TMPRSS2: variants seen among roughly 807,000 people sequenced by gnomAD.
TMPRSS2 encodes transmembrane serine protease 2.
TMPRSS2 carries 59 observed loss-of-function variants against 67.4 expected under a neutral mutation model. The observed-to-expected ratio is 0.88, with a 90% CI of 0.71 to 1.09. The LOEUF is 1.09. Among genes scored for constraint, TMPRSS2 ranks in the 50% least tolerant of loss-of-function variants. The pLI is 0.00. For missense variants in TMPRSS2, 668 were observed against 642.7 expected (o/e 1.04, Z -0.43); for synonymous variants, 257 against 257.0 (o/e 1.00, Z 0.00).
chr21:41,494,628 A>G, intron 2 of TMPRSS2, 50 bp from the exon 3 acceptor site: 1 of 1,516,306 alleles, frequency 6.6e-7, no homozygotes, highest in African/African-American at 1.4e-5. Flanking sequence ...ATTTGCACTA[A>G]AGGGTTACAT....
At chr21:41,489,380 C>T (rs2091319672) in intron 4 of TMPRSS2, 127 bp downstream of exon 4, 2 of 657,050 alleles carry the variant, frequency 3.0e-6, no homozygotes, top group South Asian at 3.9e-5. Context: ...GAGAGACAGC[C>T]TCGTTATGTA....
intron 9 of TMPRSS2, among the ~76,000 whole-genome samples, chr21:41,472,884 C>A (rs2091146652): frequency 6.6e-6 from 1 of 152,186 alleles, no homozygotes; most frequent in Non-Finnish European, 1.5e-5. Context: ...CCCTACCTAA[C>A]CCTCTGCATG....
intron 4 of TMPRSS2, 97 bp from the exon 5 acceptor site, chr21:41,488,610 A>T: frequency 7.5e-7 from 1 of 1,334,312 alleles, no homozygotes; most frequent in Non-Finnish European, 1.0e-6. Flanking sequence ...AGCTCGCTGC[A>T]GCCTCCAACT....
At chr21:41,476,292 C>T (rs62217527) in intron 8 of TMPRSS2, among the ~76,000 whole-genome samples, 12,640 of 152,228 alleles carry the variant, frequency 0.083, 662 homozygotes, top group Non-Finnish European at 0.11. Context: ...AGAGACCTGC[C>T]GGGCCTCCAG....
chr21:41,485,341 TAGG>T (rs1431894324), intron 5 of TMPRSS2, among the ~76,000 whole-genome samples: 1 of 151,968 alleles, frequency 6.6e-6, no homozygotes, highest in Non-Finnish European at 1.5e-5. Context: ...CATGTGCACA[TAGG>T]AGAACATCAA....
In TMPRSS2 at chr21:41,494,405, G is replaced by A. The variant is rs61735792; in HGVS notation, c.189C>T (p.Pro63=). 20,818 of 1,610,884 alleles carry A rather than the reference G, an allele frequency of 0.013. 158 individuals are homozygous for A. Among genetic ancestry groups the A allele is most frequent in the Non-Finnish European group, 0.015 (17,542 of 1,179,202 alleles). ...APRVLTQASN[P]VVCTQPKSPS... The stretch of plus-strand genomic sequence containing the variant: ...GGGATTTGGGCTGCGTGCAGACGAC[G>A]GGGTTGGAAGCCTGCGTCAGGACCC... The change falls in exon 3 of 14, where the codon CCC becomes CCT. Residue 63 remains proline (P), a synonymous_variant. Coordinates refer to ENST00000332149, the MANE Select transcript of TMPRSS2 (RefSeq NM_005656.4).
chr21:41,485,048 C>A (rs149551068), intron 5 of TMPRSS2, among the ~76,000 whole-genome samples: 111 of 149,356 alleles, frequency 7.4e-4, no homozygotes, highest in African/African-American at 2.6e-3. Flanking sequence ...ATGTGATTGG[C>A]TGGTAAACAG....
rs377496737 is a variant in TMPRSS2, at chr21:41,473,562, C to T, written c.728-66G>A. The T allele has an allele frequency of 8.2e-5, 123 of 1,508,956 alleles. 1 individual carries two copies. The Middle Eastern group carries it at 1.2e-3, about 15-fold the overall frequency. 93.5% of individuals were successfully genotyped at this position (1,508,956 alleles called of 1,614,324 possible). On this transcript the variant is annotated intron_variant, in intron 8 of 13. Transcript: ENST00000332149. ...AGAAGCCGCCCAGCCACCCAGCGCCCGCCCCTCCCAAGGGTCTCCCAGGCT... is the reference window on the plus strand; with the variant it reads ...AGAAGCCGCCCAGCCACCCAGCGCCTGCCCCTCCCAAGGGTCTCCCAGGCT...
intron 5 of TMPRSS2, among the ~76,000 whole-genome samples, chr21:41,481,223 A>G (rs796384227): frequency 5.9e-5 from 9 of 152,184 alleles, no homozygotes; most frequent in African/African-American, 2.2e-4. Flanking sequence ...GATATGTCCA[A>G]GATACACAAT....
rs555995855 is a variant in TMPRSS2, at chr21:41,488,593, T to C, written c.326-80A>G. The stretch of plus-strand genomic sequence containing the variant: ...TCATGGAGTGAGGAACACCGTGGCA[T>C]TACTGTAGCTCGCTGCAGCCTCCAA... On this transcript the variant is annotated intron_variant, in intron 4 of 13. Coordinates refer to ENST00000332149, the MANE Select transcript of TMPRSS2 (RefSeq NM_005656.4). The C allele has an allele frequency of 2.5e-3, 3,714 of 1,479,252 alleles. 118 individuals are homozygous for C. In the South Asian group the frequency reaches 0.042, roughly 17 times the overall value. The allele number at this position is 1,479,252 out of a possible 1,614,324, so 91.6% of individuals were successfully genotyped here. A position where few individuals can be genotyped will look rare whatever the true frequency, so the allele number is the denominator to read the frequency against.
intron 9 of TMPRSS2, 103 bp downstream of exon 9, chr21:41,473,222 C>T: frequency 7.5e-7 from 1 of 1,335,056 alleles, no homozygotes; most frequent in Non-Finnish European, 1.0e-6. Flanking sequence ...CCCATTTAAA[C>T]ACAAGGATGC....
At chr21:41,493,764 A>G (rs2091356521) in intron 3 of TMPRSS2, among the ~76,000 whole-genome samples, 1 of 152,204 alleles carries the variant, frequency 6.6e-6, no homozygotes, top group South Asian at 2.1e-4. Context: ...AGGGTGAGGA[A>G]GAGGAGGGAC....
chr21:41,477,477 A>G (rs1004936581), intron 7 of TMPRSS2, among the ~76,000 whole-genome samples: 2 of 152,176 alleles, frequency 1.3e-5, no homozygotes, highest in Non-Finnish European at 2.9e-5. Context: ...AAAAAAAATA[A>G]TAAAGCAGCC....
chr21:41,467,964 G>T (rs757303297), intron 12 of TMPRSS2, 78 bp from the exon 13 acceptor site: 208 of 1,551,186 alleles, frequency 1.3e-4, no homozygotes, highest in Non-Finnish European at 1.8e-4. Context: ...GCCTAGAGGA[G>T]TTGGGGGGCG....
At position 41,478,142 on chromosome 21, in the gene TMPRSS2, G is replaced by A. The variant is rs906620835; in HGVS notation, c.683+1030C>T. Among the ~76,000 whole-genome samples the A allele has an allele frequency of 6.6e-6, 1 of 152,248 alleles. No individual in the cohort carries two copies. The highest frequency in any genetic ancestry group is 1.5e-5 in the Non-Finnish European group (1 of 68,048). On this transcript the variant is annotated intron_variant, in intron 7 of 13. Transcript: ENST00000332149. This position sits in a 1 kb window ranked among gnomAD's most constrained non-coding sequence, Gnocchi z 4.0. ...CTCCACAGGGACAAACCGCAGCCCTGCTGTTTTGATGGGTGCACCTGGCCG... is the reference window on the plus strand; with the variant it reads ...CTCCACAGGGACAAACCGCAGCCCTACTGTTTTGATGGGTGCACCTGGCCG...
chr21:41,468,139 G>C, intron 12 of TMPRSS2: 1 of 615,986 alleles, frequency 1.6e-6, no homozygotes. Context: ...ATTTAAAATA[G>C]TCTAAATACT....
chr21:41,470,890 TC>T, intron 10 of TMPRSS2, 147 bp from the exon 11 acceptor site: 2 of 565,406 alleles, frequency 3.5e-6, no homozygotes, highest in African/African-American at 3.8e-5. Flanking sequence ...ATTCTCACTT[TC>T]TCCCCCTGCC....
rs774051594 is a variant in TMPRSS2, at chr21:41,467,691, G to A, written c.1467+43C>T. ...CCTAACAGATGTCTGGCTTTGGCTC[G>A]AGGAATCGGAGAACACAGTCAGAAG... On this transcript the variant is annotated intron_variant, in intron 13 of 13. Coordinates refer to ENST00000332149, the MANE Select transcript of TMPRSS2 (RefSeq NM_005656.4). 13 of 1,604,764 alleles carry A rather than the reference G, an allele frequency of 8.1e-6. No homozygotes were observed. In the East Asian group the frequency reaches 1.6e-4, roughly 19 times the overall value.
chr21:41,506,948 G>T (rs911328729), intron 1 of TMPRSS2, among the ~76,000 whole-genome samples: 1 of 152,156 alleles, frequency 6.6e-6, no homozygotes, highest in African/African-American at 2.4e-5. Context: ...AGCCTCGAAG[G>T]CGAGCCCTGG....
Sources: allele counts gnomAD v4.1 joint callset (sites outside exome capture counted in the v4.1 genomes callset), GRCh38; gene constraint gnomAD v4.1.1; non-coding constraint Gnocchi (gnomAD v3.1); transcripts MANE v1.5; gene names NCBI Gene and HGNC (gene_info 2026-07-23, HGNC 2026-07-21).